The following ZFHX2 variants were observed in gnomAD, a reference collection of about 807,000 sequenced individuals.
The protein encoded by ZFHX2 is zinc finger homeobox protein 2.
In ZFHX2, 75 loss-of-function variants were observed where a neutral mutation model predicts 164.8. The ratio of observed to expected loss-of-function variants is 0.46; its 90% CI spans 0.38 to 0.55. The LOEUF (loss-of-function observed/expected upper bound fraction) is 0.55. ZFHX2 is among the 20% of genes least tolerant of loss of function. ZFHX2 has a pLI of 0.00. For missense variants in ZFHX2, 2,933 were observed against 3,308.0 expected (o/e 0.89, Z 2.78); for synonymous variants, 1,217 against 1,351.4 (o/e 0.90, Z 2.18).
At chr14:23,549,590 GGAA>G (rs1881758169) in intron 1 of ZFHX2, among the ~76,000 whole-genome samples, 1 of 152,060 alleles carries the variant, frequency 6.6e-6, no homozygotes, top group South Asian at 2.1e-4. Flanking sequence ...CAGGGGCCTA[GGAA>G]GAAGATGAAC....
In ZFHX2 at chr14:23,535,517, T is replaced by C; in HGVS notation, c.-49-143A>G. Reference sequence around the variant, plus strand: ...TTTGCTAACCTGAAATTTCACTTAGTGTCTAACATGCTTCAAAACTTAATA... The same window carrying C: ...TTTGCTAACCTGAAATTTCACTTAGCGTCTAACATGCTTCAAAACTTAATA... On this transcript the variant is annotated intron_variant, in intron 1 of 9. Transcript: ENST00000419474. The surrounding 1 kb of genome is among the most constrained non-coding windows in gnomAD (Gnocchi z 4.5). The C allele has an allele frequency of 2.1e-6, 1 of 487,526 alleles. No individual in the cohort carries two copies. Among genetic ancestry groups the C allele is most frequent in the East Asian group, 3.3e-5 (1 of 30,488 alleles). 30.2% of individuals were successfully genotyped at this position (487,526 alleles called of 1,614,324 possible). A position where few individuals can be genotyped will look rare whatever the true frequency, so the allele number is the denominator to read the frequency against.
Position 23,521,872 on chromosome 14 carries a change from G to C in ZFHX2, c.*90C>G. ...GTGAGGTGGGCGGGGCCAGGGGGTGGGGTGAGGGATTTGAGCTCCCACCGA... is the reference window on the plus strand; with the variant it reads ...GTGAGGTGGGCGGGGCCAGGGGGTGCGGTGAGGGATTTGAGCTCCCACCGA... On this transcript the variant is annotated 3_prime_UTR_variant, in exon 10 of 10. Coordinates refer to ENST00000419474, the MANE Select transcript of ZFHX2 (RefSeq NM_033400.3). 6.7e-7 allele frequency: 1 copy of C among 1,503,198 alleles called. No individual in the cohort carries two copies. The allele number at this position is 1,503,198 out of a possible 1,614,324, so 93.1% of individuals were successfully genotyped here. A position where few individuals can be genotyped will look rare whatever the true frequency, so the allele number is the denominator to read the frequency against.
rs1467830084 is a variant in ZFHX2, at chr14:23,524,157, C to G, written c.5785G>C (p.Val1929Leu). The change falls in exon 9 of 10, where the codon GTG becomes CTG. Residue 1929 changes from valine to leucine, a missense_variant. Physicochemically the swap from Val to Leu is conservative, Grantham distance 32. Coordinates refer to ENST00000419474, the MANE Select transcript of ZFHX2 (RefSeq NM_033400.3). This position sits in a 1 kb window ranked among gnomAD's most constrained non-coding sequence, Gnocchi z 5.6. ...GGGGTGGCTGTGGCAGGCGGTTTCA[C>G]TGCTGGACTAGGCACCCCCCCAGGG... ...STPGGVPSPAVKPPATATPAS... is the reference protein window; with the variant it reads ...STPGGVPSPALKPPATATPAS... 2 of 1,536,010 alleles carry G rather than the reference C, an allele frequency of 1.3e-6. No homozygotes were observed. Among genetic ancestry groups the G allele is most frequent in the South Asian group, 2.4e-5 (2 of 84,058 alleles).
chr14:23,549,275 G>A (rs992447611), intron 1 of ZFHX2, among the ~76,000 whole-genome samples: 6 of 151,786 alleles, frequency 4.0e-5, no homozygotes, highest in East Asian at 1.9e-4. Context: ...CATCCCTCAC[G>A]TCATACATTT....
At chr14:23,541,018 T>G (rs1334192390) in intron 1 of ZFHX2, among the ~76,000 whole-genome samples, 1 of 152,084 alleles carries the variant, frequency 6.6e-6, no homozygotes, top group African/African-American at 2.4e-5. Flanking sequence ...TGATTCTCCC[T>G]GCCATAGCCT....
chr14:23,526,862 T>C lies in ZFHX2; in HGVS notation c.3247A>G (p.Arg1083Gly), dbSNP rs980021027. Residue 1083 changes from arginine (R) to glycine (G), a missense_variant, in exon 8 of 10, where the codon AGA (arginine) becomes GGA (glycine). Transcript: ENST00000419474. ...PTHGPEPTPS[R>G]DQAAEGPNLT... ...CATTCCTTACCTGCTGCCTGGTCTCTGCTCGGTGTAGGCTCTGGCCCATGA... is the reference window on the plus strand; with the variant it reads ...CATTCCTTACCTGCTGCCTGGTCTCCGCTCGGTGTAGGCTCTGGCCCATGA... The C allele has an allele frequency of 8.5e-6, 13 of 1,531,886 alleles. No individual in the cohort carries two copies. The highest frequency in any genetic ancestry group is 4.1e-5 in the African/African-American group (3 of 72,826). 94.9% of individuals were successfully genotyped at this position (1,531,886 alleles called of 1,614,324 possible).
rs917024797 is a variant in ZFHX2 at position 23,521,252 on chromosome 14, G to A, written c.*710C>T. The A allele has an allele frequency of 6.6e-6, 1 of 152,528 alleles. No homozygotes were observed. Among genetic ancestry groups the A allele is most frequent in the East Asian group, 1.9e-4 (1 of 5,188 alleles). 9.4% of individuals were successfully genotyped at this position (152,528 alleles called of 1,614,324 possible). ...GGGGCTCCCCTGTCAGGCAAGGAGAGGGTTAGGAGGGAGAGGGTAGGAAGA... is the reference window on the plus strand; with the variant it reads ...GGGGCTCCCCTGTCAGGCAAGGAGAAGGTTAGGAGGGAGAGGGTAGGAAGA... On this transcript the variant is annotated 3_prime_UTR_variant, in exon 10 of 10. Coordinates refer to ENST00000419474, the MANE Select transcript of ZFHX2 (RefSeq NM_033400.3).
Position 23,525,170 on chromosome 14 carries a change from A to G in ZFHX2, c.4772T>C (p.Val1591Ala), listed in dbSNP as rs1374159597. The G allele has an allele frequency of 3.3e-6, 5 of 1,536,008 alleles. No individual in the cohort carries two copies. Among genetic ancestry groups the G allele is most frequent in the Admixed American group, 3.9e-5 (2 of 50,986 alleles). Residue 1591 changes from valine (V) to alanine (A), a missense_variant, in exon 9 of 10, where the codon GTG becomes GCG. Coordinates refer to ENST00000419474, the MANE Select transcript of ZFHX2 (RefSeq NM_033400.3). This position sits in a 1 kb window ranked among gnomAD's most constrained non-coding sequence, Gnocchi z 5.9. ...ESSRGNLPPL[V>A]PAGRRFSRTK... ...TCTGGAGAACCGGCGGCCGGCAGGC[A>G]CCAGGGGAGGAAGATTCCCTCTGGA...
chr14:23,534,657 G>A lies in ZFHX2; in HGVS notation c.669C>T (p.Gly223=), dbSNP rs1879959196. The change falls in exon 2 of 10, where the codon GGC becomes GGT. Residue 223 remains glycine, a synonymous_variant. Coordinates refer to ENST00000419474, the MANE Select transcript of ZFHX2 (RefSeq NM_033400.3). This position sits in a 1 kb window ranked among gnomAD's most constrained non-coding sequence, Gnocchi z 4.5. The stretch of plus-strand genomic sequence containing the variant: ...GGTTGCCCCCGCTGTTCCCCATGGG[G>A]CCATCTTTGGGATCTCCGGGTGGAT... The part of the protein sequence containing the change: ...APNPPGDPKD[G]PMGNSGGNHV... 2 of 1,536,078 alleles carry A rather than the reference G, an allele frequency of 1.3e-6. No individual in the cohort carries two copies. Among genetic ancestry groups the A allele is most frequent in the Admixed American group, 2.0e-5 (1 of 50,988 alleles).
At chr14:23,536,642 C>G (rs1880173657) in intron 1 of ZFHX2, among the ~76,000 whole-genome samples, 1 of 152,200 alleles carries the variant, frequency 6.6e-6, no homozygotes, top group Admixed American at 6.5e-5. Flanking sequence ...AATCTCACAG[C>G]AACCTTATTT....
intron 5 of ZFHX2, 135 bp downstream of exon 5, chr14:23,529,985 C>CTTCCCCCTGATGAGCCCTTTCT: frequency 1.9e-6 from 2 of 1,050,486 alleles, no homozygotes; most frequent in South Asian, 2.8e-5. Context: ...CTCAGCCTCC[C>CTTCCCCCTGATGAGCCCTTTCT]TTCCCCCTGA....
chr14:23,531,297 G>T, intron 4 of ZFHX2, 184 bp downstream of exon 4: 1 of 878,406 alleles, frequency 1.1e-6, no homozygotes, highest in Non-Finnish European at 1.5e-6. Flanking sequence ...TCCACTCAAG[G>T]TAGCCTCCAC....
In ZFHX2 at chr14:23,522,168, T is replaced by A; in HGVS notation, c.7513A>T (p.Ser2505Cys). The change falls in exon 10 of 10, where the codon AGT (serine) becomes TGT (cysteine). Residue 2505 changes from serine to cysteine, a missense_variant. Transcript: ENST00000419474. ...YHCLACEVLL[S>C]GREALASHLR... ...TGGGAGGCTAGGGCTTCACGCCCAC[T>A]CAGCAGCACCTCACATGCCAGGCAG... The A allele has an allele frequency of 6.7e-7, 1 of 1,499,576 alleles. No individual in the cohort carries two copies. Among genetic ancestry groups the A allele is most frequent in the Non-Finnish European group, 8.9e-7 (1 of 1,128,914 alleles). 92.9% of individuals were successfully genotyped at this position (1,499,576 alleles called of 1,614,324 possible).
At chr14:23,530,030 C>T (rs2138742841) in intron 5 of ZFHX2, 90 bp downstream of exon 5, 2 of 1,303,800 alleles carry the variant, frequency 1.5e-6, no homozygotes, top group Admixed American at 2.0e-5. Flanking sequence ...GCTCCTTGAG[C>T]ACAGACATTG....
chr14:23,525,290 G>C lies in ZFHX2; in HGVS notation c.4652C>G (p.Pro1551Arg). 6.5e-7 allele frequency: 1 copy of C among 1,536,116 alleles called. No homozygotes were observed. Among genetic ancestry groups the C allele is most frequent in the Non-Finnish European group, 8.7e-7 (1 of 1,146,912 alleles). Residue 1551 changes from proline (P) to arginine (R), a missense_variant, in exon 9 of 10, where the codon CCC becomes CGC. Physicochemically the swap from Pro to Arg is moderately radical, Grantham distance 103 (BLOSUM62 -2). Transcript: ENST00000419474. This position sits in a 1 kb window ranked among gnomAD's most constrained non-coding sequence, Gnocchi z 5.9. Reference sequence around the variant, plus strand: ...TGCCTCAGGCTCTGGGACCAGGAAGGGTGGGCCCAGATGGGGAACAGGTGA... The same window carrying C: ...TGCCTCAGGCTCTGGGACCAGGAAGCGTGGGCCCAGATGGGGAACAGGTGA... ...LDSPVPHLGPPFLVPEPEAGG... is the reference protein window; with the variant it reads ...LDSPVPHLGPRFLVPEPEAGG...
At chr14:23,540,379 CCT>C (rs1880668820) in intron 1 of ZFHX2, among the ~76,000 whole-genome samples, 1 of 152,008 alleles carries the variant, frequency 6.6e-6, no homozygotes, top group Non-Finnish European at 1.5e-5. Context: ...TTTAAAAATT[CCT>C]CTCTTAAATT....
chr14:23,547,664 A>G (rs118135775), intron 1 of ZFHX2, among the ~76,000 whole-genome samples: 2,908 of 151,890 alleles, frequency 0.019, 46 homozygotes, highest in Non-Finnish European at 0.029. Context: ...CTGGTTAACT[A>G]CCCTCCAGCC....
chr14:23,522,434 G>C lies in ZFHX2; in HGVS notation c.7247C>G (p.Pro2416Arg). 6.5e-7 allele frequency: 1 copy of C among 1,536,478 alleles called. No individual in the cohort carries two copies. Among genetic ancestry groups the C allele is most frequent in the Non-Finnish European group, 8.7e-7 (1 of 1,146,908 alleles). ...TGGAGCAGGCAGTTCAGGAGGCTTT[G>C]GAGGTGCTGTGGCTGTGGGCTCAGG... The part of the protein sequence containing the change: ...QPPEPTATAP[P>R]KPPELPAPGE... The change falls in exon 10 of 10, where the codon CCA becomes CGA. Residue 2416 changes from proline (P) to arginine (R), a missense_variant. Transcript: ENST00000419474.
chr14:23,531,804 G>A (rs1423885749), intron 3 of ZFHX2, 83 bp from the exon 4 acceptor site: 1 of 1,259,882 alleles, frequency 7.9e-7, no homozygotes, highest in Admixed American at 4.0e-5. Flanking sequence ...TCTAGAGAGA[G>A]TCTTGCCCTG....
Sources: gnomAD v4.1 joint callset for allele counts (sites outside exome capture counted in the v4.1 genomes callset) on GRCh38, gnomAD v4.1.1 for gene constraint, Gnocchi (gnomAD v3.1) non-coding constraint, MANE v1.5 for transcripts, NCBI Gene and HGNC (gene_info 2026-07-23, HGNC 2026-07-21) for gene names.